Variants in MAST2 observed in about 807,000 individuals in gnomAD.
MAST2 encodes the protein microtubule-associated serine/threonine-protein kinase 2.
In MAST2, 70 loss-of-function variants were observed where a neutral mutation model predicts 147.4. The ratio of observed to expected loss-of-function variants is 0.47; its 90% CI spans 0.39 to 0.58. MAST2 has a LOEUF of 0.58. Among genes scored for constraint, MAST2 ranks in the 20% least tolerant of loss-of-function variants. The pLI is 0.00. For synonymous variants in MAST2, 869 were observed against 896.8 expected (o/e 0.97, Z 0.55); for missense variants, 2,080 against 2,302.3 (o/e 0.90, Z 1.98).
intron 4 of MAST2, among the ~76,000 whole-genome samples, chr1:45,888,584 G>A (rs960511273): frequency 6.7e-6 from 1 of 148,306 alleles, no homozygotes; most frequent in South Asian, 2.1e-4. Flanking sequence ...GTATGGTCTC[G>A]ATCTGCTGAA....
chr1:45,949,760 C>T (rs901987572), intron 4 of MAST2, among the ~76,000 whole-genome samples: 1 of 152,178 alleles, frequency 6.6e-6, no homozygotes, highest in Non-Finnish European at 1.5e-5. Flanking sequence ...CATAAAGACA[C>T]ATGCACACGA....
In MAST2 at chr1:46,035,315, C is replaced by T. The variant is rs772827988; in HGVS notation, c.4646C>T (p.Ser1549Phe). The change falls in exon 29 of 29, where the codon TCC becomes TTC. Residue 1549 changes from serine (S) to phenylalanine (F), a missense_variant. Transcript: ENST00000361297. This position sits in a 1 kb window ranked among gnomAD's most constrained non-coding sequence, Gnocchi z 5.5. ...AGTGGGGAAGAGGATCCTTTCCCGT[C>T]CAGAGACCCTAGGAGCCTGGGCCCA... is the stretch of plus-strand genomic sequence containing the variant. Reference protein sequence around the residue: ...GESGEEDPFPSRDPRSLGPMV... With the variant: ...GESGEEDPFPFRDPRSLGPMV... 73 of 1,613,832 alleles carry T rather than the reference C, an allele frequency of 4.5e-5. 1 individual carries two copies. In the South Asian group the frequency reaches 7.7e-4, roughly 17 times the overall value.
At chr1:45,867,739 G>C (rs962243454) in intron 3 of MAST2, among the ~76,000 whole-genome samples, 1 of 152,178 alleles carries the variant, frequency 6.6e-6, no homozygotes, top group Non-Finnish European at 1.5e-5. Flanking sequence ...GCTTCCTCAA[G>C]GACAGACAAG....
chr1:45,918,106 A>G (rs1230916514), intron 4 of MAST2, among the ~76,000 whole-genome samples: 4 of 152,210 alleles, frequency 2.6e-5, no homozygotes, highest in African/African-American at 9.6e-5. Context: ...TAATGAGTAA[A>G]TATGTAACAT....
At chr1:45,838,215 C>CTTTTTTTTTTTT (rs61696475) in intron 3 of MAST2, among the ~76,000 whole-genome samples, 3 of 97,988 alleles carry the variant, frequency 3.1e-5, no homozygotes, top group Non-Finnish European at 5.9e-5. Context: ...TATATATATT[C>CTTTTTTTTTTTT]TTTTTTTTTT....
chr1:45,946,269 T>C (rs935631127), intron 4 of MAST2, among the ~76,000 whole-genome samples: 11 of 152,176 alleles, frequency 7.2e-5, no homozygotes, highest in Non-Finnish European at 1.3e-4. Context: ...GACAGAATTA[T>C]CTTGTTTTCT....
At position 45,901,945 on chromosome 1, in the gene MAST2, CTG is replaced by C. The variant is rs1649835947; in HGVS notation, c.500+19552_500+19553del. ...GTGAACTGATATAATTTGACTAACT[CTG>C]TTCCTATTTGGATGCTTTTTATTTT... On this transcript the variant is annotated intron_variant, in intron 4 of 28. Transcript: ENST00000361297. Among the ~76,000 whole-genome samples, 3 of 152,236 alleles carry C rather than the reference CTG, an allele frequency of 2.0e-5. No homozygotes were observed. The South Asian group carries it at 6.2e-4, about 32-fold the overall frequency.
chr1:46,012,785 A>G (rs543541444), intron 10 of MAST2, among the ~76,000 whole-genome samples: 74 of 152,138 alleles, frequency 4.9e-4, no homozygotes, highest in African/African-American at 1.7e-3. Context: ...ACTTGAGCCC[A>G]GGAGCTTGAG....
At chr1:46,005,349 C>T (rs547174137) in intron 7 of MAST2, among the ~76,000 whole-genome samples, 6 of 147,412 alleles carry the variant, frequency 4.1e-5, no homozygotes, top group South Asian at 2.1e-4. Flanking sequence ...GCAACAAGAG[C>T]GAAACTCTGT....
At chr1:46,014,445 G>A (rs944825204) in intron 10 of MAST2, among the ~76,000 whole-genome samples, 8 of 150,072 alleles carry the variant, frequency 5.3e-5, no homozygotes, top group Non-Finnish European at 1.2e-4. Context: ...TTGTTCTTGC[G>A]ATAGTTTACT....
intron 4 of MAST2, among the ~76,000 whole-genome samples, chr1:45,940,898 C>T (rs1329474163): frequency 1.3e-5 from 2 of 152,132 alleles, no homozygotes; most frequent in Non-Finnish European, 2.9e-5. Flanking sequence ...GGATTACAGG[C>T]GTGAGCCACC....
chr1:45,943,265 A>G (rs1259199471), intron 4 of MAST2, among the ~76,000 whole-genome samples: 4 of 152,228 alleles, frequency 2.6e-5, no homozygotes, highest in Non-Finnish European at 5.9e-5. Context: ...CTTGATTGTC[A>G]TGCTCATCAC....
intron 4 of MAST2, among the ~76,000 whole-genome samples, chr1:45,952,481 C>T (rs1659071123): frequency 1.3e-5 from 2 of 151,910 alleles, no homozygotes; most frequent in Non-Finnish European, 2.9e-5. Context: ...TGTGAATATA[C>T]TAAAAATGAA....
At chr1:45,917,300 C>T (rs1652693722) in intron 4 of MAST2, 1 of 1,310,574 alleles carries the variant, frequency 7.6e-7, no homozygotes, top group Non-Finnish European at 1.0e-6. Flanking sequence ...GAAAAGTTAT[C>T]ACTGACCTTG....
In MAST2 at chr1:46,002,816, G is replaced by A. The variant is rs1195644175; in HGVS notation, c.680G>A (p.Arg227Gln). ...SFVPARRTDG[R>Q]RWSLASLPSS... ...TTTCTTGCATACAGGACTGATGGGC[G>A]GCGCTGGTCTTTGGCCTCTTTGCCC... The change falls in exon 7 of 29, where the codon CGG becomes CAG. Residue 227 changes from arginine to glutamine, a missense_variant. Arg to Gln is a conservative substitution (Grantham distance 43). This residue lies in a region of MAST2 where 569 missense variants were observed against 642.5 expected (regional missense o/e 0.89). Coordinates refer to ENST00000361297, the MANE Select transcript of MAST2 (RefSeq NM_015112.3). 3 of 1,614,152 alleles carry A rather than the reference G, an allele frequency of 1.9e-6. No homozygotes were observed. The highest frequency in any genetic ancestry group is 1.3e-5 in the African/African-American group (1 of 75,046).
intron 4 of MAST2, among the ~76,000 whole-genome samples, chr1:45,903,445 A>G (rs1650146212): frequency 6.6e-6 from 1 of 152,166 alleles, no homozygotes; most frequent in Admixed American, 6.5e-5. Context: ...TTAACTTAGC[A>G]GTCTAAACAC....
chr1:45,944,214 T>C (rs908385613), intron 4 of MAST2, among the ~76,000 whole-genome samples: 4 of 152,250 alleles, frequency 2.6e-5, no homozygotes, highest in African/African-American at 9.6e-5. Flanking sequence ...TCCTTTCTTG[T>C]ACTCTTTACA....
At chr1:45,992,886 T>G (rs1644905712) in intron 5 of MAST2, among the ~76,000 whole-genome samples, 1 of 152,130 alleles carries the variant, frequency 6.6e-6, no homozygotes, top group Admixed American at 6.5e-5. Flanking sequence ...GTTAAGTGTG[T>G]ATTTTTATTC....
At chr1:45,857,420 A>G (rs1645824677) in intron 3 of MAST2, among the ~76,000 whole-genome samples, 1 of 152,218 alleles carries the variant, frequency 6.6e-6, no homozygotes, top group South Asian at 2.1e-4. Flanking sequence ...TCTATTTGGA[A>G]GGAATTTTAC....
Sources: gnomAD v4.1 joint callset for allele counts (sites outside exome capture counted in the v4.1 genomes callset) on GRCh38, gnomAD v4.1.1 for gene constraint, gnomAD v4.1.1 regional missense constraint, Gnocchi (gnomAD v3.1) non-coding constraint, MANE v1.5 for transcripts, NCBI Gene and HGNC (gene_info 2026-07-23, HGNC 2026-07-21) for gene names.